ATP8B4: variants seen among roughly 807,000 people sequenced by gnomAD.
ATP8B4 encodes the protein probable phospholipid-transporting ATPase IM.
A neutral mutation model predicts 145.6 loss-of-function variants in ATP8B4; 133 were observed. The observed-to-expected ratio is 0.91, with a 90% CI of 0.79 to 1.05. The LOEUF (loss-of-function observed/expected upper bound fraction) is 1.05. Ranked by LOEUF, ATP8B4 falls within the 50% of genes least tolerant of loss-of-function variation. The pLI is 0.00. For synonymous variants in ATP8B4, 507 were observed against 492.9 expected (o/e 1.03, Z -0.38); for missense variants, 1,458 against 1,425.2 (o/e 1.02, Z -0.37).
At chr15:50,157,835 G>T (rs904513409) in intron 1 of ATP8B4, among the ~76,000 whole-genome samples, 1 of 151,950 alleles carries the variant, frequency 6.6e-6, no homozygotes, top group Non-Finnish European at 1.5e-5. Context: ...CTGCCATCTC[G>T]GCTCACTGCA....
rs577053909 is a variant in ATP8B4, at chr15:49,956,371, C to T, written c.1287+5606G>A. ...ATGTAATAAATTTTGAACACAGTTG[C>T]ATTATAAGTTTTTATATTTTAAAAT... On this transcript the variant is annotated intron_variant, in intron 14 of 27. Coordinates refer to ENST00000284509, the MANE Select transcript of ATP8B4 (RefSeq NM_024837.4). Among the ~76,000 whole-genome samples the T allele has an allele frequency of 6.5e-4, 99 of 152,050 alleles. 1 individual carries two copies. Among genetic ancestry groups the T allele is most frequent in the Middle Eastern group, 3.4e-3 (1 of 294 alleles).
chr15:50,045,026 A>T (rs1351603993), intron 4 of ATP8B4, among the ~76,000 whole-genome samples: 1 of 151,862 alleles, frequency 6.6e-6, no homozygotes, highest in Non-Finnish European at 1.5e-5. Context: ...AATTTTACCA[A>T]CTCCTCTTTT....
chr15:49,983,932 C>T (rs1567140612), intron 10 of ATP8B4, among the ~76,000 whole-genome samples: 1 of 152,208 alleles, frequency 6.6e-6, no homozygotes. Context: ...TTTCTCTCTC[C>T]TACCATACTG....
At chr15:49,860,693 A>C (rs904083299) in intron 27 of ATP8B4, among the ~76,000 whole-genome samples, 20 of 152,202 alleles carry the variant, frequency 1.3e-4, no homozygotes, top group Non-Finnish European at 2.9e-5. Context: ...TTAAGTAATT[A>C]AGAAATATCA....
At chr15:50,063,025 C>T (rs2053136991) in intron 3 of ATP8B4, among the ~76,000 whole-genome samples, 1 of 151,622 alleles carries the variant, frequency 6.6e-6, no homozygotes. Flanking sequence ...GTTATTCATT[C>T]TATCCTTCTG....
chr15:50,012,305 G>T (rs1228822985), intron 6 of ATP8B4, among the ~76,000 whole-genome samples: 4 of 152,136 alleles, frequency 2.6e-5, no homozygotes, highest in African/African-American at 9.7e-5. Context: ...GACAGAGAAG[G>T]CTATTGTGTC....
chr15:50,148,217 C>G (rs141389602), intron 1 of ATP8B4, among the ~76,000 whole-genome samples: 70 of 152,136 alleles, frequency 4.6e-4, no homozygotes, highest in African/African-American at 1.7e-3. Context: ...GGCCTGGACT[C>G]CAAAAATGTT....
At chr15:50,069,401 G>A (rs754377282) in intron 3 of ATP8B4, among the ~76,000 whole-genome samples, 5 of 152,266 alleles carry the variant, frequency 3.3e-5, no homozygotes, top group Non-Finnish European at 5.9e-5. Context: ...GAAGGTTCTC[G>A]AGGTATTGAA....
chr15:50,089,936 A>T (rs951121076), intron 2 of ATP8B4, among the ~76,000 whole-genome samples: 13 of 152,318 alleles, frequency 8.5e-5, no homozygotes, highest in African/African-American at 3.1e-4. Flanking sequence ...AGCACTATTC[A>T]CAATGACAAA....
At position 49,862,238 on chromosome 15, in the gene ATP8B4, G is replaced by T; in HGVS notation, c.3297+7C>A. Reference sequence around the variant, plus strand: ...GCCTTCAAGTATTCATCAGCACTGTGACATACCTGATCACTCAGGGTTGGG... The same window carrying T: ...GCCTTCAAGTATTCATCAGCACTGTTACATACCTGATCACTCAGGGTTGGG... On this transcript the variant is annotated splice_region_variant and intron_variant, in intron 27 of 27. Transcript: ENST00000284509. 1.2e-6 allele frequency: 2 copies of T among 1,612,710 alleles called. No individual in the cohort carries two copies. The highest frequency in any genetic ancestry group is 2.2e-5 in the South Asian group (2 of 90,984).
In ATP8B4 at chr15:49,876,232, A is replaced by G. The variant is rs549296496; in HGVS notation, c.3027+46T>C. On this transcript the variant is annotated intron_variant, in intron 25 of 27. Coordinates refer to ENST00000284509, the MANE Select transcript of ATP8B4 (RefSeq NM_024837.4). The stretch of plus-strand genomic sequence containing the variant: ...AAATCAATCAACAATGAAATAGTAA[A>G]AGTTGTAAACCCATCAAGTTAAGGT... 8.9e-6 allele frequency: 14 copies of G among 1,578,222 alleles called. No homozygotes were observed. In the African/African-American group the frequency reaches 1.6e-4, roughly 18 times the overall value.
At chr15:50,144,508 AG>A (rs1235411975) in intron 1 of ATP8B4, among the ~76,000 whole-genome samples, 1 of 152,150 alleles carries the variant, frequency 6.6e-6, no homozygotes, top group African/African-American at 2.4e-5. Context: ...AAGAGCAAAA[AG>A]GGAAAATGTC....
At chr15:50,115,552 C>G (rs2057137851) in intron 1 of ATP8B4, among the ~76,000 whole-genome samples, 1 of 151,790 alleles carries the variant, frequency 6.6e-6, no homozygotes, top group African/African-American at 2.4e-5. Context: ...GTCAAAGGAA[C>G]AGCGTGAGGA....
intron 2 of ATP8B4, among the ~76,000 whole-genome samples, chr15:50,094,197 G>A (rs749821927): frequency 7.2e-5 from 11 of 152,144 alleles, no homozygotes; most frequent in Non-Finnish European, 1.5e-4. Flanking sequence ...GCAGATCACC[G>A]TCCCTGATGT....
Position 50,074,136 on chromosome 15 carries a change from G to T in ATP8B4, c.78C>A (p.Phe26Leu). Residue 26 changes from phenylalanine to leucine, a missense_variant, in exon 3 of 28, where the codon TTC (phenylalanine) becomes TTA (leucine). Coordinates refer to ENST00000284509, the MANE Select transcript of ATP8B4 (RefSeq NM_024837.4). ...KANDREYNEKFQYADNRIHTS... is the reference protein window; with the variant it reads ...KANDREYNEKLQYADNRIHTS... The stretch of plus-strand genomic sequence containing the variant: ...TGTGTGTTTCACTTACCGCATACTG[G>T]AACTTTTCATTATATTCACGGTCAT... 1 of 1,612,692 alleles carries T rather than the reference G, an allele frequency of 6.2e-7. No individual in the cohort carries two copies. Among genetic ancestry groups the T allele is most frequent in the Non-Finnish European group, 8.5e-7 (1 of 1,179,066 alleles).
At position 49,979,654 on chromosome 15, in the gene ATP8B4, T is replaced by G; in HGVS notation, c.997A>C (p.Ile333Leu). The change falls in exon 12 of 28, where the codon ATT becomes CTT. Residue 333 changes from isoleucine (I) to leucine (L), a missense_variant. Transcript: ENST00000284509. ...GFLTFWSYII[I>L]LNTVVPISLY... is the part of the protein sequence containing the mutation. ...GAAATGGGTACAACTGTATTGAGAA[T>G]AATAATATATGACCAGAATGTTAAG... 1 of 1,594,294 alleles carries G rather than the reference T, an allele frequency of 6.3e-7. No individual in the cohort carries two copies. Among genetic ancestry groups the G allele is most frequent in the Non-Finnish European group, 8.6e-7 (1 of 1,166,998 alleles).
chr15:50,172,607 G>C (rs565690383), intron 1 of ATP8B4, among the ~76,000 whole-genome samples: 1 of 150,220 alleles, frequency 6.7e-6, no homozygotes, highest in African/African-American at 2.5e-5. Flanking sequence ...GCCGCCCATC[G>C]TCTGGGATGT....
chr15:50,157,834 C>T (rs1451735638), intron 1 of ATP8B4, among the ~76,000 whole-genome samples: 2 of 152,192 alleles, frequency 1.3e-5, no homozygotes, highest in African/African-American at 2.4e-5. Flanking sequence ...GCTGCCATCT[C>T]GGCTCACTGC....
At chr15:50,181,329 T>C (rs2044844398) in intron 1 of ATP8B4, among the ~76,000 whole-genome samples, 1 of 152,138 alleles carries the variant, frequency 6.6e-6, no homozygotes, top group African/African-American at 2.4e-5. Context: ...TAAGGCAAAT[T>C]AAAAGAAAGG....
Sources: allele counts gnomAD v4.1 joint callset (sites outside exome capture counted in the v4.1 genomes callset), GRCh38; gene constraint gnomAD v4.1.1; transcripts MANE v1.5; gene names NCBI Gene and HGNC (gene_info 2026-07-23, HGNC 2026-07-21).